Variants in KCNN4 observed in about 807,000 individuals in gnomAD.
KCNN4 encodes the protein intermediate conductance calcium-activated potassium channel protein 4.
In KCNN4, 31 loss-of-function variants were observed where a neutral mutation model predicts 45.2. That is an observed-to-expected ratio of 0.69 (90% CI 0.52 to 0.92). The LOEUF (loss-of-function observed/expected upper bound fraction) is 0.92. Among genes scored for constraint, KCNN4 ranks in the 40% least tolerant of loss-of-function variants. The probability of loss-of-function intolerance (pLI) is 0.00; values close to 1 mark genes in which losing one functional copy is unlikely to be tolerated. For synonymous variants in KCNN4, 231 were observed against 254.6 expected (o/e 0.91, Z 0.88); for missense variants, 463 against 574.0 (o/e 0.81, Z 1.98).
chr19:43,768,972 G>A lies in KCNN4; in HGVS notation c.1110C>T (p.Asp370=). 1.2e-5 allele frequency: 19 copies of A among 1,614,130 alleles called. No homozygotes were observed. The highest frequency in any genetic ancestry group is 1.5e-5 in the Non-Finnish European group (18 of 1,179,988). Residue 370 remains aspartate, a synonymous_variant, in exon 7 of 9, where the codon GAC becomes GAT. Transcript: ENST00000648319. ...KLREQVNSMV[D]ISKMHMILYD... is the part of the protein sequence containing the mutation. Reference sequence around the variant, plus strand: ...CACGGGATCCTAGTACCTTGGAGATGTCCACCATGGAGTTCACTTGTTCCC... The same window carrying A: ...CACGGGATCCTAGTACCTTGGAGATATCCACCATGGAGTTCACTTGTTCCC...
chr19:43,779,768 C>T (rs1049625351), intron 1 of KCNN4, among the ~76,000 whole-genome samples: 2 of 152,192 alleles, frequency 1.3e-5, no homozygotes, highest in Admixed American at 6.5e-5. Context: ...CAATCAAAAC[C>T]CCCTTCTCCT....
intron 8 of KCNN4, 152 bp downstream of exon 8, chr19:43,767,388 G>T: frequency 3.1e-6 from 3 of 957,756 alleles, no homozygotes; most frequent in Non-Finnish European, 4.5e-6. Flanking sequence ...GTCCAGCCCC[G>T]AACTGAGTCC....
Position 43,774,301 on chromosome 19 carries a change from G to A in KCNN4, c.574C>T (p.His192Tyr), listed in dbSNP as rs1411764081. 1 of 1,612,300 alleles carries A rather than the reference G, an allele frequency of 6.2e-7. No homozygotes were observed. The highest frequency in any genetic ancestry group is 2.2e-5 in the East Asian group (1 of 44,804). ...IGALNQVRFR[H>Y]WFVAKLYMNT... Reference sequence around the variant, plus strand: ...ATGTAAAGCTTGGCCACGAACCAGTGGCGGAAGCGGACTTGATTGAGAGCG... The same window carrying A: ...ATGTAAAGCTTGGCCACGAACCAGTAGCGGAAGCGGACTTGATTGAGAGCG... The change falls in exon 3 of 9, where the codon CAC (histidine) becomes TAC (tyrosine). Residue 192 changes from histidine to tyrosine, a missense_variant. By Grantham distance (83) the His-to-Tyr change is moderately conservative. Transcript: ENST00000648319. The surrounding 1 kb of genome is among the most constrained non-coding windows in gnomAD (Gnocchi z 5.6).
intron 7 of KCNN4, among the ~76,000 whole-genome samples, chr19:43,768,740 A>ATT (rs754029039): frequency 1.4e-5 from 2 of 147,130 alleles, no homozygotes; most frequent in African/African-American, 5.0e-5. Context: ...TCTTTGTGCA[A>ATT]TTTTTTTTTT....
Position 43,772,259 on chromosome 19 carries a change from C to T in KCNN4, c.684-124G>A, listed in dbSNP as rs907088989. ...TTCCCTCCCTTCCCCTCCCAGTATA[C>T]ACCCATAGTCCTAAGAATCACCTGG... On this transcript the variant is annotated intron_variant, in intron 3 of 8. Transcript: ENST00000648319. The surrounding 1 kb of genome is among the most constrained non-coding windows in gnomAD (Gnocchi z 4.4). 10 of 1,023,686 alleles carry T rather than the reference C, an allele frequency of 9.8e-6. No homozygotes were observed. The highest frequency in any genetic ancestry group is 1.4e-5 in the Non-Finnish European group (10 of 717,336). The allele number at this position is 1,023,686 out of a possible 1,614,324, so 63.4% of individuals were successfully genotyped here. A position where few individuals can be genotyped will look rare whatever the true frequency, so the allele number is the denominator to read the frequency against.
chr19:43,778,527 C>T (rs1318743313), intron 1 of KCNN4, among the ~76,000 whole-genome samples: 1 of 152,230 alleles, frequency 6.6e-6, no homozygotes, highest in East Asian at 1.9e-4. Flanking sequence ...GCGTGAGCCA[C>T]CGCGCCCGGC....
Position 43,774,640 on chromosome 19 carries a change from A to T in KCNN4, c.256-21T>A. ...AACAGCTGCCGGTAGGGGGCCAAGA[A>T]GGGAGGGGTCAGGAGCAGGTCAGGC... On this transcript the variant is annotated intron_variant, in intron 2 of 8. Transcript: ENST00000648319. The surrounding 1 kb of genome is among the most constrained non-coding windows in gnomAD (Gnocchi z 5.6). 6.7e-7 allele frequency: 1 copy of T among 1,484,664 alleles called. No homozygotes were observed. The highest frequency in any genetic ancestry group is 8.9e-7 in the Non-Finnish European group (1 of 1,126,346). 92.0% of individuals were successfully genotyped at this position (1,484,664 alleles called of 1,614,324 possible).
chr19:43,774,212 C>T lies in KCNN4; in HGVS notation c.663G>A (p.Trp221Ter). Residue 221 changes from tryptophan (W) to a stop codon, truncating the protein, a stop_gained, in exon 3 of 9, where the codon TGG becomes TGA. Transcript: ENST00000648319. LOFTEE classifies it high-confidence loss of function. The surrounding 1 kb of genome is among the most constrained non-coding windows in gnomAD (Gnocchi z 5.6). ...CTCACCTCTCGGCCACGGACAGCACCCAGGCGGTGGTCAGCCAGAGGCCAA... is the reference window on the plus strand; with the variant it reads ...CTCACCTCTCGGCCACGGACAGCACTCAGGCGGTGGTCAGCCAGAGGCCAA... ...LTLGLWLTTA[W>*]VLSVAERQAV... The T allele has an allele frequency of 6.2e-7, 1 of 1,612,344 alleles. No individual in the cohort carries two copies. Among genetic ancestry groups the T allele is most frequent in the Non-Finnish European group, 8.5e-7 (1 of 1,178,926 alleles).
chr19:43,777,450 G>A (rs1969847018), intron 1 of KCNN4, among the ~76,000 whole-genome samples: 1 of 151,796 alleles, frequency 6.6e-6, no homozygotes, highest in African/African-American at 2.4e-5. Flanking sequence ...CCCAGATCTG[G>A]AAGAATGTAG....
At chr19:43,776,657 AGC>A (rs752594578) in intron 1 of KCNN4, 21 bp from the exon 2 acceptor site, 9 of 1,531,434 alleles carry the variant, frequency 5.9e-6, no homozygotes, top group Non-Finnish European at 8.1e-6. Flanking sequence ...GGACGGAAAA[AGC>A]GGTGTGAGAT....
intron 1 of KCNN4, among the ~76,000 whole-genome samples, chr19:43,777,514 G>T (rs908741366): frequency 1.3e-4 from 20 of 151,900 alleles, no homozygotes; most frequent in African/African-American, 3.4e-4. Context: ...GCTCTCATCC[G>T]GAGGGCTGAG....
rs941380670 is a variant in KCNN4, at chr19:43,769,975, C to T, written c.820-146G>A. 6.9e-5 allele frequency: 43 copies of T among 619,756 alleles called. No individual in the cohort carries two copies. The highest frequency in any genetic ancestry group is 1.2e-4 in the Non-Finnish European group (41 of 347,692). The allele number at this position is 619,756 out of a possible 1,614,324, so 38.4% of individuals were successfully genotyped here. A position where few individuals can be genotyped will look rare whatever the true frequency, so the allele number is the denominator to read the frequency against. On this transcript the variant is annotated intron_variant, in intron 4 of 8. Coordinates refer to ENST00000648319, the MANE Select transcript of KCNN4 (RefSeq NM_002250.3). This position sits in a 1 kb window ranked among gnomAD's most constrained non-coding sequence, Gnocchi z 4.4. ...AGAGAGGAGAGCCAAGGTCCCAGCT[C>T]AGAGCGGTGGAGCTAGAATCATAAA...
chr19:43,776,906 G>A, intron 1 of KCNN4: 2 of 392,612 alleles, frequency 5.1e-6, no homozygotes, highest in Non-Finnish European at 9.5e-6. Flanking sequence ...GAGACCCCCT[G>A]GCCAACATGG....
intron 1 of KCNN4, among the ~76,000 whole-genome samples, chr19:43,780,114 TG>T (rs955041823): frequency 6.6e-6 from 1 of 152,084 alleles, no homozygotes; most frequent in African/African-American, 2.4e-5. Context: ...TCACCAAACC[TG>T]GGGCTACCTC....
chr19:43,776,312 G>T (rs995444843), intron 2 of KCNN4, among the ~76,000 whole-genome samples: 1 of 151,574 alleles, frequency 6.6e-6, no homozygotes, highest in Non-Finnish European at 1.5e-5. Context: ...GCATCCGTGA[G>T]TGTGCAAGGG....
chr19:43,767,755 C>T, intron 7 of KCNN4, 48 bp from the exon 8 acceptor site: 2 of 1,608,408 alleles, frequency 1.2e-6, no homozygotes, highest in Non-Finnish European at 1.7e-6. Context: ...GGTCGACCCC[C>T]ACCTACTCCA....
Position 43,774,503 on chromosome 19 carries a change from G to C in KCNN4, c.372C>G (p.Gly124=), listed in dbSNP as rs1295569072. The part of the protein sequence containing the change: ...VCGLHPAPVR[G]PPCVQDLGAP... The stretch of plus-strand genomic sequence containing the variant: ...CCCCTAAATCCTGCACGCACGGCGG[G>C]CCCCGCACGGGCGCCGGGTGCAGCC... Residue 124 remains glycine, a synonymous_variant, in exon 3 of 9, where the codon GGC becomes GGG. Transcript: ENST00000648319. This position sits in a 1 kb window ranked among gnomAD's most constrained non-coding sequence, Gnocchi z 5.6. 1.3e-5 allele frequency: 20 copies of C among 1,597,068 alleles called. No individual in the cohort carries two copies. The highest frequency in any genetic ancestry group is 1.4e-5 in the Non-Finnish European group (17 of 1,174,028).
intron 2 of KCNN4, among the ~76,000 whole-genome samples, chr19:43,775,836 C>T (rs1969785501): frequency 1.3e-5 from 2 of 151,862 alleles, no homozygotes; most frequent in Non-Finnish European, 2.9e-5. Flanking sequence ...GTGGGCACCC[C>T]TGGGACCGGA....
intron 2 of KCNN4, among the ~76,000 whole-genome samples, chr19:43,775,874 C>T (rs1333996960): frequency 6.6e-6 from 1 of 151,960 alleles, no homozygotes; most frequent in Non-Finnish European, 1.5e-5. Flanking sequence ...AGCCCGTAAT[C>T]CTAGCACTTT....
Sources: gnomAD v4.1 joint callset for allele counts (sites outside exome capture counted in the v4.1 genomes callset) on GRCh38, gnomAD v4.1.1 for gene constraint, Gnocchi (gnomAD v3.1) non-coding constraint, MANE v1.5 for transcripts, NCBI Gene and HGNC (gene_info 2026-07-23, HGNC 2026-07-21) for gene names.